Variants in R3HCC1L observed in about 807,000 individuals in gnomAD.
The protein encoded by R3HCC1L is R3H domain and coiled-coil containing 1 like.
R3HCC1L carries 51 observed loss-of-function variants against 59.9 expected under a neutral mutation model. That is an observed-to-expected ratio of 0.85 (90% CI 0.68 to 1.07). R3HCC1L has a LOEUF of 1.07. Ranked by LOEUF, R3HCC1L falls within the 50% of genes least tolerant of loss-of-function variation. The pLI is 0.00. For synonymous variants in R3HCC1L, 322 were observed against 315.2 expected (o/e 1.02, Z -0.23); for missense variants, 965 against 933.0 (o/e 1.03, Z -0.45).
intron 4 of R3HCC1L, among the ~76,000 whole-genome samples, chr10:98,207,460 A>G (rs1321885626): frequency 1.3e-5 from 2 of 152,082 alleles, no homozygotes; most frequent in African/African-American, 2.4e-5. Context: ...TCCTAGCCAG[A>G]TCTGTTTTAT....
chr10:98,152,112 C>T (rs565178293), intron 1 of R3HCC1L, among the ~76,000 whole-genome samples: 11 of 152,356 alleles, frequency 7.2e-5, no homozygotes, highest in Admixed American at 2.0e-4. Context: ...GCCGCCACGC[C>T]TGACTGGTTT....
rs137993182 is a variant in R3HCC1L at position 98,163,529 on chromosome 10, G to A, written c.-15+132G>A. The A allele has an allele frequency of 4.8e-5, 24 of 504,690 alleles. No individual in the cohort carries two copies. In the Middle Eastern group the frequency reaches 1.5e-3, roughly 31 times the overall value. The allele number at this position is 504,690 out of a possible 1,614,324, so 31.3% of individuals were successfully genotyped here. On this transcript the variant is annotated intron_variant, in intron 4 of 9. Transcript: ENST00000298999. Reference sequence around the variant, plus strand: ...GTCATGTAAAACAAGTTTGAAAATGGCAGTTTCCTGAAAGGTATAGGGTCT... The same window carrying A: ...GTCATGTAAAACAAGTTTGAAAATGACAGTTTCCTGAAAGGTATAGGGTCT...
intron 5 of R3HCC1L, among the ~76,000 whole-genome samples, chr10:98,210,536 C>T (rs1853447592): frequency 6.6e-6 from 1 of 152,136 alleles, no homozygotes; most frequent in Non-Finnish European, 1.5e-5. Context: ...TAAATGTTTA[C>T]TCTGTATCCA....
chr10:98,163,371 A>T lies in R3HCC1L; in HGVS notation c.-41A>T. ...TATCGGCATGTTGTAGAGTTTTATTACTAAGAAAATAAATGTTACTTACAT... is the reference window on the plus strand; with the variant it reads ...TATCGGCATGTTGTAGAGTTTTATTTCTAAGAAAATAAATGTTACTTACAT... On this transcript the variant is annotated 5_prime_UTR_variant, in exon 4 of 10. Transcript: ENST00000298999. 7.5e-7 allele frequency: 1 copy of T among 1,342,268 alleles called. No homozygotes were observed. The highest frequency in any genetic ancestry group is 9.8e-7 in the Non-Finnish European group (1 of 1,015,594). 83.1% of individuals were successfully genotyped at this position (1,342,268 alleles called of 1,614,324 possible).
In R3HCC1L at chr10:98,152,498, A is replaced by G. The variant is rs1247123462; in HGVS notation, c.-267-3595A>G. ...CCTCTTCCCGGCCGCCATCCCGTCT[A>G]GGAAGTGAGGAGCGTCTCTGCCCGG... On this transcript the variant is annotated intron_variant, in intron 1 of 9. Transcript: ENST00000298999. 9.1e-3 allele frequency among the ~76,000 whole-genome samples: 784 copies of G among 86,350 alleles called. 3 individuals are homozygous for G. Among genetic ancestry groups the G allele is most frequent in the Admixed American group, 0.017 (129 of 7,540 alleles). The allele number at this position is 86,350 out of a possible 152,430, so 56.6% of individuals were successfully genotyped here. A position where few individuals can be genotyped will look rare whatever the true frequency, so the allele number is the denominator to read the frequency against.
At position 98,236,036 on chromosome 10, in the gene R3HCC1L, C is replaced by A; in HGVS notation, c.2141C>A (p.Pro714Gln). ...KARAYAEFLQPAKERPETSAA... is the reference protein window; with the variant it reads ...KARAYAEFLQQAKERPETSAA... ...TTCTTCGATTCAGAGTTCCTCCAGC[C>A]AGCAAAGGAGCGTCCTGAGACTTCA... Residue 714 changes from proline to glutamine, a missense_variant, in exon 9 of 10, where the codon CCA becomes CAA. Coordinates refer to ENST00000298999, the MANE Select transcript of R3HCC1L (RefSeq NM_001351015.2). The A allele has an allele frequency of 6.2e-7, 1 of 1,613,566 alleles. No homozygotes were observed. Among genetic ancestry groups the A allele is most frequent in the Non-Finnish European group, 8.5e-7 (1 of 1,179,634 alleles).
intron 5 of R3HCC1L, among the ~76,000 whole-genome samples, chr10:98,224,184 G>A (rs986210227): frequency 2.8e-4 from 43 of 152,088 alleles, no homozygotes; most frequent in African/African-American, 1.0e-3. Flanking sequence ...TGACAGGTGG[G>A]CAGGTCTGCT....
At chr10:98,144,786 T>A (rs1220851948) in intron 1 of R3HCC1L, among the ~76,000 whole-genome samples, 1 of 152,132 alleles carries the variant, frequency 6.6e-6, no homozygotes, top group Non-Finnish European at 1.5e-5. Flanking sequence ...GATCTCTAAG[T>A]TGAGGAGTGC....
intron 5 of R3HCC1L, among the ~76,000 whole-genome samples, chr10:98,212,030 T>C (rs1246173467): frequency 6.6e-6 from 1 of 152,090 alleles, no homozygotes; most frequent in Admixed American, 6.6e-5. Flanking sequence ...TGTGTTTGGC[T>C]TATGTTTGGA....
chr10:98,244,301 A>G lies in R3HCC1L; in HGVS notation c.*143A>G, dbSNP rs1335561836. On this transcript the variant is annotated 3_prime_UTR_variant, in exon 10 of 10. Transcript: ENST00000298999. ...TGATCGAGACAAGGACTGACTGGGT[A>G]TAGAAGGAAGACAGACTCCTGTCTT... 2 of 724,790 alleles carry G rather than the reference A, an allele frequency of 2.8e-6. No individual in the cohort carries two copies. The highest frequency in any genetic ancestry group is 1.8e-5 in the African/African-American group (1 of 56,108). 44.9% of individuals were successfully genotyped at this position (724,790 alleles called of 1,614,324 possible). A position where few individuals can be genotyped will look rare whatever the true frequency, so the allele number is the denominator to read the frequency against.
chr10:98,178,968 G>A (rs1849340273), intron 4 of R3HCC1L, among the ~76,000 whole-genome samples: 1 of 152,184 alleles, frequency 6.6e-6, no homozygotes, highest in South Asian at 2.1e-4. Flanking sequence ...TTTGGGCTGA[G>A]TTGATGGGGT....
At chr10:98,138,544 A>G (rs1222253156) in intron 1 of R3HCC1L, among the ~76,000 whole-genome samples, 1 of 152,180 alleles carries the variant, frequency 6.6e-6, no homozygotes, top group Non-Finnish European at 1.5e-5. Flanking sequence ...AAAAAAATCA[A>G]TTAAACACTT....
chr10:98,164,132 G>A (rs1297245324), intron 4 of R3HCC1L, among the ~76,000 whole-genome samples: 5 of 152,242 alleles, frequency 3.3e-5, no homozygotes, highest in Admixed American at 2.0e-4. Context: ...CACAGCAACC[G>A]TCAGAAGATA....
chr10:98,183,888 A>G (rs1849917819), intron 4 of R3HCC1L, among the ~76,000 whole-genome samples: 1 of 150,278 alleles, frequency 6.7e-6, no homozygotes, highest in Admixed American at 6.6e-5. Flanking sequence ...CGTGTTTGAT[A>G]GTTCTAATAT....
At chr10:98,219,199 A>C (rs1854583183) in intron 5 of R3HCC1L, among the ~76,000 whole-genome samples, 1 of 152,242 alleles carries the variant, frequency 6.6e-6, no homozygotes, top group African/African-American at 2.4e-5. Flanking sequence ...GGTGTGAGCC[A>C]CCATGCCCAG....
At chr10:98,244,044 G>T (rs1160772583) in intron 9 of R3HCC1L, 47 bp from the exon 10 acceptor site, 11 of 1,555,350 alleles carry the variant, frequency 7.1e-6, no homozygotes, top group South Asian at 4.5e-5. Flanking sequence ...GAAAGTCATT[G>T]GTTATATGAA....
rs777514204 is a variant in R3HCC1L, at chr10:98,209,431, C to T, written c.1317C>T (p.Asn439=). ...RSGNDTEDFS[N]PSACSDIYGE... ...GGAATGACACTGAAGATTTCAGCAA[C>T]CCTTCTGCTTGCTCAGATATTTATG... Residue 439 remains asparagine (N), a synonymous_variant, in exon 5 of 10, where the codon AAC becomes AAT. Coordinates refer to ENST00000298999, the MANE Select transcript of R3HCC1L (RefSeq NM_001351015.2). The T allele has an allele frequency of 4.3e-6, 7 of 1,613,592 alleles. No individual in the cohort carries two copies. Among genetic ancestry groups the T allele is most frequent in the Admixed American group, 1.7e-5 (1 of 60,010 alleles).
Position 98,171,514 on chromosome 10 carries a change from A to AT in R3HCC1L, c.-15+8124dup, listed in dbSNP as rs543898824. ...AAGACAGTTACTGCTCCACCGTGGC[A>AT]TTTTTTTGGCCCCATAAACAAATAC... On this transcript the variant is annotated intron_variant, in intron 4 of 9. Coordinates refer to ENST00000298999, the MANE Select transcript of R3HCC1L (RefSeq NM_001351015.2). Among the ~76,000 whole-genome samples, 553 of 152,244 alleles carry AT rather than the reference A, an allele frequency of 3.6e-3. 1 individual carries two copies. Among genetic ancestry groups the AT allele is most frequent in the Middle Eastern group, 0.017 (5 of 294 alleles).
At chr10:98,136,604 G>A (rs1844610606) in intron 1 of R3HCC1L, among the ~76,000 whole-genome samples, 3 of 152,120 alleles carry the variant, frequency 2.0e-5, no homozygotes, top group Admixed American at 1.3e-4. Context: ...GGGAGGCTGA[G>A]GCAGGCAGAT....
Sources: gnomAD v4.1 joint callset for allele counts (sites outside exome capture counted in the v4.1 genomes callset) on GRCh38, gnomAD v4.1.1 for gene constraint, MANE v1.5 for transcripts, NCBI Gene and HGNC (gene_info 2026-07-23, HGNC 2026-07-21) for gene names.